KALRN: variants seen among roughly 807,000 people sequenced by gnomAD.
KALRN encodes kalirin.
KALRN carries 70 observed loss-of-function variants against 353.7 expected under a neutral mutation model. That is an observed-to-expected ratio of 0.20 (90% CI 0.16 to 0.24). KALRN has a LOEUF of 0.24. Among genes scored for constraint, KALRN ranks in the 10% least tolerant of loss-of-function variants. The pLI is 1.00. For synonymous variants in KALRN, 1,391 were observed against 1,434.8 expected, an observed-to-expected ratio of 0.97 and a Z score of 0.69; for missense variants, 2,791 against 3,756.7, an observed-to-expected ratio of 0.74 and a Z score of 6.72.
intron 1 of KALRN, among the ~76,000 whole-genome samples, chr3:124,139,793 G>A (rs929639991): frequency 6.6e-6 from 1 of 152,086 alleles, no homozygotes; most frequent in African/African-American, 2.4e-5. Flanking sequence ...GGACTGGGTT[G>A]GTGCAGAATG....
At position 124,231,699 on chromosome 3, in the gene KALRN, G is replaced by A. The variant is rs10934659; in HGVS notation, c.149-3130G>A. Among the ~76,000 whole-genome samples the A allele has an allele frequency of 0.043, 6,094 of 141,076 alleles. 746 individuals are homozygous for A. The East Asian group carries it at 0.49, about 11-fold the overall frequency. The allele number at this position is 141,076 out of a possible 152,430, so 92.6% of individuals were successfully genotyped here. A position where few individuals can be genotyped will look rare whatever the true frequency, so the allele number is the denominator to read the frequency against. On this transcript the variant is annotated intron_variant, in intron 2 of 59. Coordinates refer to ENST00000682506, the MANE Select transcript of KALRN (RefSeq NM_001388419.1). ...TTTTAAGGCTCTGGGAAGTCCTGCAGTAAAGAACTTTATTTTTTTTTTTTA... is the reference window on the plus strand; with the variant it reads ...TTTTAAGGCTCTGGGAAGTCCTGCAATAAAGAACTTTATTTTTTTTTTTTA...
At chr3:124,269,298 G>A in intron 5 of KALRN, 43 bp downstream of exon 5, 1 of 1,526,948 alleles carries the variant, frequency 6.5e-7, no homozygotes, top group South Asian at 1.3e-5. Flanking sequence ...ATGGGGGTGA[G>A]GGAGCAGAGG....
At chr3:124,510,143 T>G (rs565226651) in intron 33 of KALRN, among the ~76,000 whole-genome samples, 113 of 152,324 alleles carry the variant, frequency 7.4e-4, no homozygotes, top group African/African-American at 2.7e-3. Context: ...TTTGGCATTG[T>G]GGGCAAGAGA....
chr3:124,388,064 A>G (rs181995533), intron 11 of KALRN, among the ~76,000 whole-genome samples: 26 of 152,252 alleles, frequency 1.7e-4, no homozygotes, highest in Admixed American at 1.6e-3. Context: ...GTACACACAC[A>G]TGCAAATGTT....
rs754572975 is a variant in KALRN at position 124,326,121 on chromosome 3, C to T, written c.1234C>T (p.Arg412Cys). 9 of 1,613,796 alleles carry T rather than the reference C, an allele frequency of 5.6e-6. No individual in the cohort carries two copies. Among genetic ancestry groups the T allele is most frequent in the East Asian group, 4.5e-5 (2 of 44,874 alleles). The change falls in exon 7 of 60, where the codon CGC (arginine) becomes TGC (cysteine). Residue 412 changes from arginine (R) to cysteine (C), a missense_variant. By Grantham distance (180) the Arg-to-Cys change is radical (BLOSUM62 -3). Around this residue, in one of 11 missense-constraint regions of KALRN, gnomAD observed 366 missense variants for 489.2 expected, o/e 0.75. Coordinates refer to ENST00000682506, the MANE Select transcript of KALRN (RefSeq NM_001388419.1). ...WKSFAAALDE[R>C]STILAMSAVF... ...GAGCTTCGCTGCTGCCCTGGATGAA[C>T]GCAGCACCATCCTCGCCATGTCTGC...
intron 33 of KALRN, among the ~76,000 whole-genome samples, chr3:124,535,821 G>A (rs1022581442): frequency 9.2e-5 from 14 of 152,056 alleles, no homozygotes; most frequent in African/African-American, 3.1e-4. Flanking sequence ...GCAGGTAAGC[G>A]GTCCAGGACT....
intron 34 of KALRN, among the ~76,000 whole-genome samples, chr3:124,583,721 G>A (rs1399927692): frequency 1.3e-5 from 2 of 152,148 alleles, no homozygotes; most frequent in Non-Finnish European, 2.9e-5. Flanking sequence ...AATAGGCAAG[G>A]AAAAAGTCTG....
intron 8 of KALRN, among the ~76,000 whole-genome samples, chr3:124,331,545 T>C (rs1209132705): frequency 1.3e-5 from 2 of 152,218 alleles, no homozygotes; most frequent in Admixed American, 6.5e-5. Context: ...AAAATGGTAA[T>C]GTATTCTGTC....
intron 1 of KALRN, among the ~76,000 whole-genome samples, chr3:124,123,695 T>C (rs971499270): frequency 3.3e-5 from 5 of 152,226 alleles, no homozygotes; most frequent in Non-Finnish European, 7.3e-5. Flanking sequence ...GAAGTCACTG[T>C]CTGGCTTGAA....
chr3:124,594,218 T>C (rs141753234), intron 34 of KALRN, among the ~76,000 whole-genome samples: 1 of 152,336 alleles, frequency 6.6e-6, no homozygotes, highest in Non-Finnish European at 1.5e-5. Context: ...TCTTTCCCTA[T>C]GGATGCATTT....
At chr3:124,401,193 C>T (rs17289013) in intron 13 of KALRN, among the ~76,000 whole-genome samples, 36,713 of 152,084 alleles carry the variant, frequency 0.24, 5,813 homozygotes, top group Middle Eastern at 0.38. Context: ...TTAAAGGTTA[C>T]GAGAGAGGAA....
intron 14 of KALRN, among the ~76,000 whole-genome samples, chr3:124,421,035 T>C (rs2092757134): frequency 6.6e-6 from 1 of 152,180 alleles, no homozygotes; most frequent in African/African-American, 2.4e-5. Flanking sequence ...ACCCCATCAT[T>C]GGTTAGGATC....
At chr3:124,117,286 A>G (rs910745616) in intron 1 of KALRN, among the ~76,000 whole-genome samples, 2 of 151,348 alleles carry the variant, frequency 1.3e-5, no homozygotes, top group African/African-American at 2.4e-5. Context: ...AGGGGTCTAT[A>G]CTAGGAATTT....
At chr3:124,053,235 A>G (rs1238520211) in intron 1 of KALRN, among the ~76,000 whole-genome samples, 1 of 152,152 alleles carries the variant, frequency 6.6e-6, no homozygotes, top group Admixed American at 6.5e-5. Flanking sequence ...AGAGTTATAG[A>G]AGACTTTAAG....
chr3:124,228,185 G>A (rs532263561), intron 2 of KALRN, 121 bp downstream of exon 2: 2 of 835,864 alleles, frequency 2.4e-6, no homozygotes, highest in Non-Finnish European at 4.2e-6. Context: ...TATGCTTGGG[G>A]CAGCTGCTTT....
At chr3:124,487,338 A>C (rs950757885) in intron 28 of KALRN, among the ~76,000 whole-genome samples, 1 of 152,198 alleles carries the variant, frequency 6.6e-6, no homozygotes, top group African/African-American at 2.4e-5. Context: ...TGAGTCTCCA[A>C]TGAGGAAATA....
At chr3:124,545,780 C>G (rs1040328633) in intron 33 of KALRN, among the ~76,000 whole-genome samples, 4 of 152,174 alleles carry the variant, frequency 2.6e-5, no homozygotes, top group Non-Finnish European at 5.9e-5. Flanking sequence ...TGCAGCCTCA[C>G]CTTGATGATG....
intron 18 of KALRN, among the ~76,000 whole-genome samples, chr3:124,441,683 AGGTGTGGC>A (rs1164886921): frequency 6.6e-6 from 1 of 152,042 alleles, no homozygotes; most frequent in Non-Finnish European, 1.5e-5. Context: ...AAAGTTACCT[AGGTGTGGC>A]GGTGGGCACC....
At chr3:124,642,814 T>TTGTTGTTGTTGTTTTTTTTTTTG (rs1295983829) in intron 37 of KALRN, among the ~76,000 whole-genome samples, 2 of 102,208 alleles carry the variant, frequency 2.0e-5, no homozygotes, top group Non-Finnish European at 4.5e-5. Flanking sequence ...TCGTTTTTTT[T>TTGTTGTTGTTGTTTTTTTTTTTG]TTTTTTTTTT....
Sources: allele counts gnomAD v4.1 joint callset (sites outside exome capture counted in the v4.1 genomes callset), GRCh38; gene constraint gnomAD v4.1.1; regional missense constraint gnomAD v4.1.1; transcripts MANE v1.5; gene names NCBI Gene and HGNC (gene_info 2026-07-23, HGNC 2026-07-21).